TCEA3: variants seen among roughly 807,000 people sequenced by gnomAD.
The protein encoded by TCEA3 is transcription elongation factor A3.
A neutral mutation model predicts 44.0 loss-of-function variants in TCEA3; 36 were observed. That is an observed-to-expected ratio of 0.82 (90% CI 0.63 to 1.08). TCEA3 has a LOEUF of 1.08. Ranked by LOEUF, TCEA3 falls within the 50% of genes least tolerant of loss-of-function variation. TCEA3 has a pLI of 0.00. For missense variants in TCEA3, 392 were observed against 441.2 expected, an observed-to-expected ratio of 0.89 and a Z score of 1.00; for synonymous variants, 162 against 159.7, an observed-to-expected ratio of 1.01 and a Z score of -0.11.
At chr1:23,383,061 C>T (rs550303892) in intron 10 of TCEA3, among the ~76,000 whole-genome samples, 38 of 152,028 alleles carry the variant, frequency 2.5e-4, no homozygotes, top group Non-Finnish European at 5.0e-4. Flanking sequence ...GGGCGGATCA[C>T]GAGGTCAGGA....
At chr1:23,389,612 T>C (rs1305385612) in intron 8 of TCEA3, among the ~76,000 whole-genome samples, 1 of 152,134 alleles carries the variant, frequency 6.6e-6, no homozygotes, top group Non-Finnish European at 1.5e-5. Flanking sequence ...ATCACGTCAC[T>C]GCACTCCAGC....
intron 7 of TCEA3, among the ~76,000 whole-genome samples, chr1:23,394,569 T>C (rs1358849752): frequency 2.0e-5 from 3 of 152,142 alleles, no homozygotes; most frequent in African/African-American, 7.2e-5. Flanking sequence ...CTCTACGAAG[T>C]ATTGCAAAAA....
Position 23,424,649 on chromosome 1 carries a change from C to T in TCEA3, c.-16G>A. On this transcript the variant is annotated 5_prime_UTR_variant, in exon 1 of 11. Coordinates refer to ENST00000450454, the MANE Select transcript of TCEA3 (RefSeq NM_003196.3). Reference sequence around the variant, plus strand: ...CCTGGCCCATGTTGGCCCGCGACGCCCGGCGGGGCGAGGGGCACAGGGGCA... The same window carrying T: ...CCTGGCCCATGTTGGCCCGCGACGCTCGGCGGGGCGAGGGGCACAGGGGCA... The T allele has an allele frequency of 6.2e-7, 1 of 1,600,728 alleles. No homozygotes were observed. The highest frequency in any genetic ancestry group is 8.5e-7 in the Non-Finnish European group (1 of 1,176,972).
intron 4 of TCEA3, among the ~76,000 whole-genome samples, chr1:23,415,223 A>G (rs1006805005): frequency 6.6e-6 from 1 of 151,810 alleles, no homozygotes; most frequent in South Asian, 2.1e-4. Flanking sequence ...GGGTTTCACC[A>G]TCTTGGCCAG....
chr1:23,417,382 C>T lies in TCEA3; in HGVS notation c.247G>A (p.Gly83Arg). 1 of 1,612,884 alleles carries T rather than the reference C, an allele frequency of 6.2e-7. No individual in the cohort carries two copies. The highest frequency in any genetic ancestry group is 1.1e-5 in the South Asian group (1 of 90,868). ...KNWKRLLDSP[G>R]PPKGEKGEER... is the part of the protein sequence containing the mutation. ...TCTCCTTTTTCTCCTTTTGGGGGTC[C>T]AGGGGAGTCTGAAAACAAAAGGGTG... Residue 83 changes from glycine to arginine, a missense_variant, in exon 4 of 11, where the codon GGA becomes AGA. Transcript: ENST00000450454.
intron 5 of TCEA3, among the ~76,000 whole-genome samples, chr1:23,405,556 A>G (rs1349499992): frequency 6.6e-6 from 1 of 151,880 alleles, no homozygotes; most frequent in Non-Finnish European, 1.5e-5. Context: ...AGATCGTGCC[A>G]CTGCACTCCA....
In TCEA3 at chr1:23,417,233, T is replaced by G. The variant is rs748101358; in HGVS notation, c.380+16A>C. On this transcript the variant is annotated intron_variant, in intron 4 of 10. Transcript: ENST00000450454. ...ACAAGTGTCAGCTCCCTTCTCTCCA[T>G]CCCAAAAAAGAATACCTGGTTTTGG... 6.2e-7 allele frequency: 1 copy of G among 1,611,646 alleles called. No individual in the cohort carries two copies. Among genetic ancestry groups the G allele is most frequent in the South Asian group, 1.1e-5 (1 of 90,676 alleles).
chr1:23,406,537 C>T (rs537330657), intron 5 of TCEA3, among the ~76,000 whole-genome samples: 2 of 152,316 alleles, frequency 1.3e-5, no homozygotes, highest in Non-Finnish European at 2.9e-5. Context: ...CCACACTTCA[C>T]ACCCACTCCT....
At chr1:23,416,552 C>T (rs1479416453) in intron 4 of TCEA3, among the ~76,000 whole-genome samples, 2 of 151,728 alleles carry the variant, frequency 1.3e-5, no homozygotes, top group African/African-American at 2.4e-5. Flanking sequence ...AGTGCAGTGG[C>T]GCAATCTCAG....
chr1:23,400,272 C>A (rs761607191), intron 5 of TCEA3, among the ~76,000 whole-genome samples: 2 of 152,064 alleles, frequency 1.3e-5, no homozygotes, highest in Non-Finnish European at 2.9e-5. Context: ...GTGTGTCAAT[C>A]ATAGCTCACT....
chr1:23,389,645 G>A (rs746412186), intron 8 of TCEA3, among the ~76,000 whole-genome samples: 7 of 152,050 alleles, frequency 4.6e-5, no homozygotes, highest in Admixed American at 6.5e-5. Flanking sequence ...GTGAGACTCC[G>A]TCTCAAAAAA....
rs150856744 is a variant in TCEA3 at position 23,402,106 on chromosome 1, C to T, written c.444-4151G>A. Among the ~76,000 whole-genome samples the T allele has an allele frequency of 1.0e-3, 157 of 152,266 alleles. 4 individuals carry two copies. The highest frequency in any genetic ancestry group is 2.9e-3 in the African/African-American group (121 of 41,564). On this transcript the variant is annotated intron_variant, in intron 5 of 10. Transcript: ENST00000450454. ...CTAAAGTCCCAGCACTTTGGCAGATCGAGGTGGGAGGATCACTTTGGTCAG... is the reference window on the plus strand; with the variant it reads ...CTAAAGTCCCAGCACTTTGGCAGATTGAGGTGGGAGGATCACTTTGGTCAG...
rs934723568 is a variant in TCEA3, at chr1:23,418,137, C to T, written c.133-128G>A. ...AACCTGGACCCCCAGAGTCCTAGCC[C>T]TGACTCCTGGCTGAGGTCAGAACCC... On this transcript the variant is annotated intron_variant, in intron 2 of 10. Coordinates refer to ENST00000450454, the MANE Select transcript of TCEA3 (RefSeq NM_003196.3). The T allele has an allele frequency of 1.2e-5, 11 of 889,124 alleles. No homozygotes were observed. In the South Asian group the frequency reaches 1.7e-4, roughly 14 times the overall value. The allele number at this position is 889,124 out of a possible 1,614,324, so 55.1% of individuals were successfully genotyped here. A position where few individuals can be genotyped will look rare whatever the true frequency, so the allele number is the denominator to read the frequency against.
chr1:23,394,097 T>G (rs2148555106), intron 7 of TCEA3, 64 bp from the exon 8 acceptor site: 1 of 1,580,110 alleles, frequency 6.3e-7, no homozygotes, highest in Admixed American at 1.8e-5. Context: ...GGCCTGGCCC[T>G]GACGCCTGAG....
chr1:23,417,906 A>G lies in TCEA3; in HGVS notation c.236T>C (p.Leu79Pro), dbSNP rs775265797. The change falls in exon 3 of 11, where the codon CTA becomes CCA. Residue 79 changes from leucine to proline, a missense_variant and splice_region_variant. By Grantham distance (98) the Leu-to-Pro change is moderately conservative. Transcript: ENST00000450454. The part of the protein sequence containing the change: ...KVLIKNWKRL[L>P]DSPGPPKGEK... ...AAGACAACCTTGTCCTCTCTCACCT[A>G]GCAGCCGCTTCCAGTTTTTGATAAG... is the stretch of plus-strand genomic sequence containing the variant. The G allele has an allele frequency of 6.2e-7, 1 of 1,614,016 alleles. No homozygotes were observed. Among genetic ancestry groups the G allele is most frequent in the Admixed American group, 1.7e-5 (1 of 60,026 alleles).
chr1:23,387,206 T>C (rs995220478), intron 9 of TCEA3, 67 bp downstream of exon 9: 1 of 1,571,992 alleles, frequency 6.4e-7, no homozygotes, highest in Non-Finnish European at 8.6e-7. Context: ...TAAGCTTCTC[T>C]CTGATTTTCC....
At chr1:23,389,454 A>G (rs926355785) in intron 8 of TCEA3, among the ~76,000 whole-genome samples, 1 of 146,602 alleles carries the variant, frequency 6.8e-6, no homozygotes, top group Non-Finnish European at 1.5e-5. Flanking sequence ...GCACCATTGC[A>G]CTCCCGCCTG....
At chr1:23,408,925 C>T in intron 4 of TCEA3, among the ~76,000 whole-genome samples, 199 bp from the exon 5 acceptor site, 1 of 152,164 alleles carries the variant, frequency 6.6e-6, no homozygotes, top group East Asian at 1.9e-4. Context: ...TCAAGTGAAC[C>T]AATACAAGGG....
intron 5 of TCEA3, among the ~76,000 whole-genome samples, chr1:23,402,869 T>G (rs559874471): frequency 6.6e-6 from 1 of 152,104 alleles, no homozygotes; most frequent in Non-Finnish European, 1.5e-5. Flanking sequence ...AATGAATACA[T>G]GATGAATTGA....
Sources: gnomAD v4.1 joint callset for allele counts (sites outside exome capture counted in the v4.1 genomes callset) on GRCh38, gnomAD v4.1.1 for gene constraint, MANE v1.5 for transcripts, NCBI Gene and HGNC (gene_info 2026-07-23, HGNC 2026-07-21) for gene names.